The following NEK9 variants were observed in gnomAD, a reference collection of about 807,000 sequenced individuals.
NEK9 encodes the protein NIMA related kinase 9, also known as serine/threonine-protein kinase Nek9.
In NEK9, 75 loss-of-function variants were observed where a neutral mutation model predicts 123.4. That is an observed-to-expected ratio of 0.61 (90% CI 0.50 to 0.74). NEK9 has a LOEUF of 0.74. NEK9 is among the 30% of genes least tolerant of loss of function. The pLI is 0.00. For missense variants in NEK9, 952 were observed against 1,214.4 expected (o/e 0.78, Z 3.21); for synonymous variants, 438 against 458.7 (o/e 0.95, Z 0.58).
chr14:75,115,301 G>C (rs1895105201), intron 6 of NEK9, among the ~76,000 whole-genome samples: 1 of 152,102 alleles, frequency 6.6e-6, no homozygotes, highest in South Asian at 2.1e-4. Context: ...TTTTTTAGTA[G>C]AGACAGGGTT....
chr14:75,125,748 C>T (rs1438263654), intron 1 of NEK9, among the ~76,000 whole-genome samples: 1 of 152,240 alleles, frequency 6.6e-6, no homozygotes, highest in Non-Finnish European at 1.5e-5. Flanking sequence ...CTCTCCTTCT[C>T]CATCTTTCAG....
chr14:75,109,995 T>G, intron 9 of NEK9, 118 bp from the exon 10 acceptor site: 2 of 1,045,852 alleles, frequency 1.9e-6, no homozygotes, highest in South Asian at 3.3e-5. Flanking sequence ...AGTATGTTCT[T>G]TCTCGACAAC....
At position 75,101,727 on chromosome 14, in the gene NEK9, CA is replaced by C; in HGVS notation, c.1769del (p.Leu590TrpfsTer30). On this transcript the variant is annotated frameshift_variant, in exon 15 of 22. Transcript: ENST00000238616. LOFTEE classifies it high-confidence loss of function. ...TCTTATAAAAGGACAACTGTTTGGC[CA>C]AGGTAAAGGACGTTGTGTAGGGAAC... is the stretch of plus-strand genomic sequence containing the variant. ...HEVPYTTSFT[L>X]AKQLSFYKIR... The C allele has an allele frequency of 6.2e-7, 1 of 1,613,910 alleles. No homozygotes were observed. The highest frequency in any genetic ancestry group is 1.1e-5 in the South Asian group (1 of 91,078).
chr14:75,113,910 T>G (rs1261335413), intron 7 of NEK9, among the ~76,000 whole-genome samples: 1 of 149,518 alleles, frequency 6.7e-6, no homozygotes, highest in African/African-American at 2.5e-5. Context: ...TTCATTGCAG[T>G]TTTTTGAAAT....
intron 3 of NEK9, 24 bp from the exon 4 acceptor site, chr14:75,120,604 G>T (rs1895297003): frequency 2.5e-6 from 4 of 1,583,012 alleles, no homozygotes; most frequent in South Asian, 1.1e-5. Context: ...ATAAATATTT[G>T]GATTAGAAAC....
Position 75,120,468 on chromosome 14 carries a change from T to C in NEK9, c.524+42A>G, listed in dbSNP as rs145495285. On this transcript the variant is annotated intron_variant, in intron 4 of 21. Transcript: ENST00000238616. The stretch of plus-strand genomic sequence containing the variant: ...GGGGGTATCCACGGTAGGGGCTGAA[T>C]TGGTAGGGAAGAATCCATCCATAAT... 5.7e-4 allele frequency: 815 copies of C among 1,422,974 alleles called. 2 individuals carry two copies. Among genetic ancestry groups the C allele is most frequent in the Non-Finnish European group, 6.9e-4 (703 of 1,014,182 alleles). The allele number at this position is 1,422,974 out of a possible 1,614,324, so 88.1% of individuals were successfully genotyped here.
At chr14:75,095,345 A>G (rs1277746545) in intron 18 of NEK9, 27 bp downstream of exon 18, 2 of 1,569,314 alleles carry the variant, frequency 1.3e-6, no homozygotes, top group Non-Finnish European at 8.7e-7. Flanking sequence ...TCAGAAAACC[A>G]CTGGTACCTG....
At position 75,106,498 on chromosome 14, in the gene NEK9, C is replaced by A. The variant is rs747530816; in HGVS notation, c.1528+4G>T. On this transcript the variant is annotated splice_donor_region_variant and intron_variant, in intron 12 of 21. Coordinates refer to ENST00000238616, the MANE Select transcript of NEK9 (RefSeq NM_033116.6). ...GAAGTGGACAGAGACAAGGCTACCC[C>A]TACCATATTCGCCACAGCCCCAAGA... 8.1e-6 allele frequency: 13 copies of A among 1,613,900 alleles called. No individual in the cohort carries two copies. The South Asian group carries it at 1.4e-4, about 18-fold the overall frequency.
intron 16 of NEK9, 133 bp downstream of exon 16, chr14:75,100,859 C>T (rs1003712805): frequency 1.8e-5 from 16 of 878,906 alleles, no homozygotes; most frequent in Admixed American, 6.3e-5. Flanking sequence ...ATATAACCGG[C>T]CACCAATTTA....
At chr14:75,114,570 G>C (rs573365352) in intron 6 of NEK9, among the ~76,000 whole-genome samples, 1 of 152,116 alleles carries the variant, frequency 6.6e-6, no homozygotes, top group African/African-American at 2.4e-5. Flanking sequence ...ATTATAATCT[G>C]ACCTTTCAAC....
intron 1 of NEK9, among the ~76,000 whole-genome samples, 198 bp downstream of exon 1, chr14:75,126,505 C>A (rs956796319): frequency 6.6e-6 from 1 of 152,134 alleles, no homozygotes; most frequent in African/African-American, 2.4e-5. Context: ...TTAGGACAAT[C>A]AAAAATGACT....
intron 15 of NEK9, 132 bp from the exon 16 acceptor site, chr14:75,101,285 C>T (rs1594833649): frequency 1.0e-6 from 1 of 973,352 alleles, no homozygotes; most frequent in East Asian, 2.6e-5. Flanking sequence ...CCACATGATC[C>T]TGGACCTAGG....
Position 75,082,441 on chromosome 14 carries a change from CAT to C in NEK9, c.*2121_*2122del, listed in dbSNP as rs958580233. 1 of 152,274 alleles carries C rather than the reference CAT, an allele frequency of 6.6e-6. No homozygotes were observed. Among genetic ancestry groups the C allele is most frequent in the African/African-American group, 2.4e-5 (1 of 41,452 alleles). The allele number at this position is 152,274 out of a possible 1,614,324, so 9.4% of individuals were successfully genotyped here. ...ATACTTGTTTGGTGGGAAAAAAAAT[CAT>C]ATGGCTGTCCCAGGCACAATATGGG... is the stretch of plus-strand genomic sequence containing the variant. On this transcript the variant is annotated 3_prime_UTR_variant, in exon 22 of 22. Coordinates refer to ENST00000238616, the MANE Select transcript of NEK9 (RefSeq NM_033116.6).
chr14:75,091,436 C>A lies in NEK9; in HGVS notation c.2276G>T (p.Gly759Val). The A allele has an allele frequency of 6.2e-7, 1 of 1,606,368 alleles. No homozygotes were observed. The highest frequency in any genetic ancestry group is 1.1e-5 in the South Asian group (1 of 89,714). The change falls in exon 19 of 22, where the codon GGT (glycine) becomes GTT (valine). Residue 759 changes from glycine (G) to valine (V), a missense_variant. Around this residue, in one of 4 missense-constraint regions of NEK9, gnomAD observed 698 missense variants for 875.6 expected, o/e 0.80. Coordinates refer to ENST00000238616, the MANE Select transcript of NEK9 (RefSeq NM_033116.6). ...SSPGGGGGGGGGEEEDSQQES... is the reference protein window; with the variant it reads ...SSPGGGGGGGVGEEEDSQQES... ...CTGCTGACTGTCCTCTTCTTCACCA[C>A]CGCCGCCCCCGCCGCCTCCTCCCGG...
intron 1 of NEK9, 137 bp downstream of exon 1, chr14:75,126,563 AGTG>A (rs1895533449): frequency 6.1e-6 from 3 of 493,338 alleles, no homozygotes; most frequent in Non-Finnish European, 1.0e-5. Flanking sequence ...GAGTGGGAAG[AGTG>A]GTGAAGACCC....
intron 2 of NEK9, among the ~76,000 whole-genome samples, chr14:75,121,765 C>T (rs942353324): frequency 1.3e-5 from 2 of 152,054 alleles, no homozygotes; most frequent in African/African-American, 4.8e-5. Context: ...GTGGGAGGGT[C>T]GCCTGAGCGT....
At chr14:75,115,381 T>G (rs1165918952) in intron 6 of NEK9, among the ~76,000 whole-genome samples, 1 of 152,158 alleles carries the variant, frequency 6.6e-6, no homozygotes, top group Non-Finnish European at 1.5e-5. Context: ...CCTCCCAAAG[T>G]GCTGGGATCA....
chr14:75,083,734 A>G lies in NEK9; in HGVS notation c.*830T>C, dbSNP rs1893933359. On this transcript the variant is annotated 3_prime_UTR_variant, in exon 22 of 22. Coordinates refer to ENST00000238616, the MANE Select transcript of NEK9 (RefSeq NM_033116.6). ...GCTAAAGGAGGACCTCTTCTCCTTC[A>G]TGATTTTCTCTTAAGGCTATTCTGA... 1 of 152,184 alleles carries G rather than the reference A, an allele frequency of 6.6e-6. No individual in the cohort carries two copies. Among genetic ancestry groups the G allele is most frequent in the African/African-American group, 2.4e-5 (1 of 41,452 alleles). 9.4% of individuals were successfully genotyped at this position (152,184 alleles called of 1,614,324 possible). A position where few individuals can be genotyped will look rare whatever the true frequency, so the allele number is the denominator to read the frequency against.
In NEK9 at chr14:75,100,339, G is replaced by A. The variant is rs191366931; in HGVS notation, c.2002+653C>T. Among the ~76,000 whole-genome samples the A allele has an allele frequency of 1.3e-3, 203 of 151,180 alleles. 1 individual carries two copies. The highest frequency in any genetic ancestry group is 2.2e-3 in the Admixed American group (33 of 15,172). On this transcript the variant is annotated intron_variant, in intron 16 of 21. Transcript: ENST00000238616. Reference sequence around the variant, plus strand: ...CGCATGCCTGTAATCCCAGCTACTCGGGAGGCTGAGGCAGGAGAATCGCTT... The same window carrying A: ...CGCATGCCTGTAATCCCAGCTACTCAGGAGGCTGAGGCAGGAGAATCGCTT...
Sources: gnomAD v4.1 joint callset for allele counts (sites outside exome capture counted in the v4.1 genomes callset) on GRCh38, gnomAD v4.1.1 for gene constraint, gnomAD v4.1.1 regional missense constraint, MANE v1.5 for transcripts, NCBI Gene and HGNC (gene_info 2026-07-23, HGNC 2026-07-21) for gene names.